The following IKBKE variants were observed in gnomAD, a reference collection of about 807,000 sequenced individuals.
The protein encoded by IKBKE is inhibitor of nuclear factor kappa-B kinase subunit epsilon.
A neutral mutation model predicts 92.1 loss-of-function variants in IKBKE; 45 were observed. That is an observed-to-expected ratio of 0.49 (90% CI 0.38 to 0.63). The LOEUF (loss-of-function observed/expected upper bound fraction) is 0.63. Ranked by LOEUF, IKBKE falls within the 20% of genes least tolerant of loss-of-function variation. IKBKE has a pLI of 0.00. For synonymous variants in IKBKE, 374 were observed against 380.3 expected (o/e 0.98, Z 0.19); for missense variants, 700 against 932.8 (o/e 0.75, Z 3.25).
chr1:206,491,518 C>T (rs1298869542), intron 17 of IKBKE, 130 bp from the exon 18 acceptor site: 8 of 643,076 alleles, frequency 1.2e-5, no homozygotes, highest in Non-Finnish European at 2.0e-5. Flanking sequence ...GAGACATAGC[C>T]CTGCTGTGGA....
intron 16 of IKBKE, among the ~76,000 whole-genome samples, chr1:206,489,381 A>G (rs797034566): frequency 0.26 from 35,684 of 139,616 alleles, 5,306 homozygotes; most frequent in Middle Eastern, 0.38. Flanking sequence ...ATATATATAT[A>G]TATATATATA....
rs375272871 is a variant in IKBKE, at chr1:206,493,328, G to A, written c.1995G>A (p.Pro665=). Residue 665 remains proline (P), a synonymous_variant, in exon 20 of 22, where the codon CCG becomes CCA. Coordinates refer to ENST00000581977, the MANE Select transcript of IKBKE (RefSeq NM_014002.4). ...QDRAKGAQAS[P]PPIAPYPSPT... ...GAGCAAAGGGGGCTCAGGCCTCGCC[G>A]CCTCCCATAGCTCCTTACCCCAGCC... 9.7e-5 allele frequency: 157 copies of A among 1,613,774 alleles called. No homozygotes were observed. The highest frequency in any genetic ancestry group is 1.3e-4 in the Non-Finnish European group (152 of 1,179,988).
chr1:206,481,546 C>T (rs1353125439), intron 13 of IKBKE, among the ~76,000 whole-genome samples: 1 of 152,150 alleles, frequency 6.6e-6, no homozygotes, highest in African/African-American at 2.4e-5. Flanking sequence ...GAGTAGGGTT[C>T]AGTCAGCAGA....
chr1:206,479,718 G>A, intron 10 of IKBKE, 152 bp from the exon 11 acceptor site: 1 of 816,952 alleles, frequency 1.2e-6, no homozygotes, highest in Non-Finnish European at 2.0e-6. Context: ...TTTAAGTGTG[G>A]CTAAGGCTGG....
At chr1:206,474,679 G>A in intron 4 of IKBKE, 186 bp from the exon 5 acceptor site, 1 of 806,954 alleles carries the variant, frequency 1.2e-6, no homozygotes, top group Non-Finnish European at 1.9e-6. Context: ...CTAAGCAGAG[G>A]GCTTCCTGGA....
chr1:206,474,565 G>C (rs1553384694), intron 4 of IKBKE, 94 bp downstream of exon 4: 1 of 1,327,624 alleles, frequency 7.5e-7, no homozygotes, highest in Non-Finnish European at 1.0e-6. Context: ...TTGGTCCCAT[G>C]CTCATCAGCA....
chr1:206,495,394 G>C lies in IKBKE; in HGVS notation c.2118-718G>C, dbSNP rs562411409. Among the ~76,000 whole-genome samples, 518 of 152,320 alleles carry C rather than the reference G, an allele frequency of 3.4e-3. 6 individuals carry two copies. The highest frequency in any genetic ancestry group is 0.012 in the African/African-American group (501 of 41,558). On this transcript the variant is annotated intron_variant, in intron 21 of 21. Coordinates refer to ENST00000581977, the MANE Select transcript of IKBKE (RefSeq NM_014002.4). ...GATATGCAAGGTGCTTGCGCATAGG[G>C]GGGTGTGGAGGGAAGGGCTCACTAA...
In IKBKE at chr1:206,472,600, C is replaced by T. The variant is rs549370906; in HGVS notation, c.-32-596C>T. Among the ~76,000 whole-genome samples the T allele has an allele frequency of 1.1e-4, 17 of 152,218 alleles. No individual in the cohort carries two copies. In the South Asian group the frequency reaches 3.5e-3, roughly 32 times the overall value. ...ACACACACACTCTCACACACACACA[C>T]ACACACACACACTCTGAAGCAGCCC... is the stretch of plus-strand genomic sequence containing the variant. On this transcript the variant is annotated intron_variant, in intron 2 of 21. Transcript: ENST00000581977.
rs1665047684 is a variant in IKBKE at position 206,476,115 on chromosome 1, G to A, written c.359-66G>A. 4.0e-6 allele frequency: 6 copies of A among 1,513,744 alleles called. No homozygotes were observed. The East Asian group carries it at 1.4e-4, about 35-fold the overall frequency. 93.8% of individuals were successfully genotyped at this position (1,513,744 alleles called of 1,614,324 possible). A position where few individuals can be genotyped will look rare whatever the true frequency, so the allele number is the denominator to read the frequency against. On this transcript the variant is annotated intron_variant, in intron 5 of 21. Coordinates refer to ENST00000581977, the MANE Select transcript of IKBKE (RefSeq NM_014002.4). This position sits in a 1 kb window ranked among gnomAD's most constrained non-coding sequence, Gnocchi z 5.1. ...GATGCAAGGACAGCCTTCCCACCAA[G>A]ATGAGCCTCAGACACTAGACTGTCC...
In IKBKE at chr1:206,496,108, G is replaced by T. The variant is rs1666226369; in HGVS notation, c.2118-4G>T. On this transcript the variant is annotated splice_polypyrimidine_tract_variant and splice_region_variant and intron_variant, in intron 21 of 21. Transcript: ENST00000581977. ...GCACTGCTAGCCTGTACCTTTTCTT[G>T]TAGGCTAAATAGAGTCCCAGCACCT... The T allele has an allele frequency of 1.2e-6, 2 of 1,613,090 alleles. No homozygotes were observed. The highest frequency in any genetic ancestry group is 8.5e-7 in the Non-Finnish European group (1 of 1,179,084).
At chr1:206,474,175 G>A (rs545734736) in intron 3 of IKBKE, among the ~76,000 whole-genome samples, 156 bp from the exon 4 acceptor site, 19 of 152,250 alleles carry the variant, frequency 1.2e-4, no homozygotes, top group Non-Finnish European at 2.1e-4. Context: ...GGGAAAGGCG[G>A]TGCGGATGGG....
chr1:206,492,919 C>T (rs568158337), intron 18 of IKBKE, 104 bp from the exon 19 acceptor site: 305 of 996,830 alleles, frequency 3.1e-4, no homozygotes, highest in Non-Finnish European at 3.5e-4. Context: ...GGCAAATACC[C>T]GGGACCCACC....
rs147510897 is a variant in IKBKE, at chr1:206,484,232, C to A, written c.1428-765C>A. ...TCTCAAACTCCTGGTATCAAGCAAT[C>A]CTCCCACTTCTGCCTCCCAAAGTGC... On this transcript the variant is annotated intron_variant, in intron 13 of 21. Transcript: ENST00000581977. 7.3e-3 allele frequency among the ~76,000 whole-genome samples: 1,105 copies of A among 152,062 alleles called. 8 individuals carry two copies. The highest frequency in any genetic ancestry group is 0.014 in the Middle Eastern group (4 of 292).
rs545023690 is a variant in IKBKE at position 206,490,187 on chromosome 1, C to A, written c.1694-632C>A. Among the ~76,000 whole-genome samples, 4 of 152,282 alleles carry A rather than the reference C, an allele frequency of 2.6e-5. No individual in the cohort carries two copies. Among genetic ancestry groups the A allele is most frequent in the African/African-American group, 9.6e-5 (4 of 41,570 alleles). On this transcript the variant is annotated intron_variant, in intron 16 of 21. Transcript: ENST00000581977. This position sits in a 1 kb window ranked among gnomAD's most constrained non-coding sequence, Gnocchi z 5.2. ...GAGAGGAGTGGGATGGGGAGGCCCT[C>A]GAAGTGAACCGCCATCATCATTTCA...
At position 206,477,926 on chromosome 1, in the gene IKBKE, C is replaced by T. The variant is rs569352664; in HGVS notation, c.812+67C>T. The T allele has an allele frequency of 5.2e-6, 6 of 1,156,742 alleles. No individual in the cohort carries two copies. The Admixed American group carries it at 1.3e-4, about 25-fold the overall frequency. The allele number at this position is 1,156,742 out of a possible 1,614,324, so 71.7% of individuals were successfully genotyped here. ...TGGGTGTCACTTCTCTCTGCTAAGT[C>T]AAGACTTCTGAGGCCTGTTCCAGCA... On this transcript the variant is annotated intron_variant, in intron 8 of 21. Coordinates refer to ENST00000581977, the MANE Select transcript of IKBKE (RefSeq NM_014002.4).
Position 206,485,415 on chromosome 1 carries a change from G to A in IKBKE, c.1616+109G>A. On this transcript the variant is annotated intron_variant, in intron 15 of 21. Coordinates refer to ENST00000581977, the MANE Select transcript of IKBKE (RefSeq NM_014002.4). The surrounding 1 kb of genome is among the most constrained non-coding windows in gnomAD (Gnocchi z 5.0). ...GTCAGCTTGCATTCCCCTTTCTCTT[G>A]GCAAGGGTGCTAGGGCATGGGGGAG... 1.4e-6 allele frequency: 1 copy of A among 698,640 alleles called. No homozygotes were observed. Among genetic ancestry groups the A allele is most frequent in the Admixed American group, 2.1e-5 (1 of 47,008 alleles). 43.3% of individuals were successfully genotyped at this position (698,640 alleles called of 1,614,324 possible).
At position 206,479,879 on chromosome 1, in the gene IKBKE, A is replaced by ACGTCCCCAAGTT; in HGVS notation, c.1203_1214dup (p.Phe402_Lys405dup). ...GGGTCTTTGTCTGCAGCTGCTCTGG[A>ACGTCCCCAAGTT]CGTCCCCAAGTTCGTCCCCAAAGTG... is the stretch of plus-strand genomic sequence containing the variant. On this transcript the variant is annotated inframe_insertion, in exon 11 of 22. Transcript: ENST00000581977. 6.2e-7 allele frequency: 1 copy of ACGTCCCCAAGTT among 1,613,878 alleles called. No individual in the cohort carries two copies. Among genetic ancestry groups the ACGTCCCCAAGTT allele is most frequent in the Non-Finnish European group, 8.5e-7 (1 of 1,179,960 alleles).
At chr1:206,479,682 G>A (rs548305933) in intron 10 of IKBKE, among the ~76,000 whole-genome samples, 188 bp from the exon 11 acceptor site, 8 of 152,326 alleles carry the variant, frequency 5.3e-5, no homozygotes, top group East Asian at 3.9e-4. Flanking sequence ...AAAAGTGGCC[G>A]CAAGGTGGCA....
rs535787711 is a variant in IKBKE, at chr1:206,475,737, C to CAAAAAAAAAAA, written c.359-438_359-428dup. 1.8e-3 allele frequency among the ~76,000 whole-genome samples: 166 copies of CAAAAAAAAAAA among 92,484 alleles called. 5 individuals carry two copies. Among genetic ancestry groups the CAAAAAAAAAAA allele is most frequent in the African/African-American group, 3.7e-3 (82 of 22,372 alleles). The allele number at this position is 92,484 out of a possible 152,430, so 60.7% of individuals were successfully genotyped here. ...ATGTGTCAGAGTGAGACTCTGTCTC[C>CAAAAAAAAAAA]AAAAAAAAAAAAAAAATTGGAGAAT... On this transcript the variant is annotated intron_variant, in intron 5 of 21. Transcript: ENST00000581977.
Sources: allele counts gnomAD v4.1 joint callset (sites outside exome capture counted in the v4.1 genomes callset), GRCh38; gene constraint gnomAD v4.1.1; non-coding constraint Gnocchi (gnomAD v3.1); transcripts MANE v1.5; gene names NCBI Gene and HGNC (gene_info 2026-07-23, HGNC 2026-07-21).